The following FRMPD2 variants were observed in gnomAD, a reference collection of about 807,000 sequenced individuals.
FRMPD2 encodes FERM and PDZ domain containing 2, also known as FERM and PDZ domain-containing protein 2.
FRMPD2 carries 96 observed loss-of-function variants against 140.1 expected under a neutral mutation model. The observed-to-expected ratio is 0.69, with a 90% CI of 0.58 to 0.81. The LOEUF is 0.81. Ranked by LOEUF, FRMPD2 falls within the 40% of genes least tolerant of loss-of-function variation. The pLI is 0.00. For synonymous variants in FRMPD2, 449 were observed against 547.6 expected (o/e 0.82, Z 2.52); for missense variants, 1,240 against 1,447.4 (o/e 0.86, Z 2.32).
chr10:48,254,902 G>A (rs1484783959), intron 1 of FRMPD2, among the ~76,000 whole-genome samples: 1 of 152,210 alleles, frequency 6.6e-6, no homozygotes, highest in Non-Finnish European at 1.5e-5. Flanking sequence ...CTATGAAATA[G>A]TCATTAGCCT....
In FRMPD2 at chr10:48,184,719, A is replaced by G. The variant is rs564309950; in HGVS notation, c.2468-37T>C. ...AAACATCTCAATAATCCTTCAAGGAAATAAAAAAGAGTGGTTTCTTAAAAC... is the reference window on the plus strand; with the variant it reads ...AAACATCTCAATAATCCTTCAAGGAGATAAAAAAGAGTGGTTTCTTAAAAC... On this transcript the variant is annotated intron_variant, in intron 19 of 28. Transcript: ENST00000374201. 9.4e-5 allele frequency: 150 copies of G among 1,593,354 alleles called. 2 individuals are homozygous for G. The South Asian group carries it at 1.6e-3, about 17-fold the overall frequency.
At chr10:48,208,206 AG>A (rs1839244510) in intron 13 of FRMPD2, among the ~76,000 whole-genome samples, 1 of 152,252 alleles carries the variant, frequency 6.6e-6, no homozygotes, top group Non-Finnish European at 1.5e-5. Context: ...ACGCTTTTAA[AG>A]AATTTGGTGT....
intron 10 of FRMPD2, among the ~76,000 whole-genome samples, chr10:48,230,340 T>C (rs572539353): frequency 1.3e-5 from 2 of 152,318 alleles, no homozygotes; most frequent in South Asian, 2.1e-4. Context: ...ATACTTAAAA[T>C]TGGTTATATT....
intron 28 of FRMPD2, among the ~76,000 whole-genome samples, chr10:48,160,877 G>A (rs1450869489): frequency 2.7e-5 from 4 of 149,190 alleles, no homozygotes; most frequent in African/African-American, 1.0e-4. Flanking sequence ...CTTCCTGTAG[G>A]GGGCAGCCAC....
chr10:48,208,999 A>G (rs1358673797), intron 13 of FRMPD2, among the ~76,000 whole-genome samples: 1 of 152,252 alleles, frequency 6.6e-6, no homozygotes, highest in African/African-American at 2.4e-5. Context: ...ACCCTAAGAA[A>G]ATATGCTGAA....
chr10:48,201,464 G>A, intron 14 of FRMPD2, 80 bp from the exon 15 acceptor site: 1 of 1,383,336 alleles, frequency 7.2e-7, no homozygotes, highest in Non-Finnish European at 1.0e-6. Flanking sequence ...AAAATGCTCG[G>A]TCCCTTGGTT....
intron 10 of FRMPD2, among the ~76,000 whole-genome samples, chr10:48,229,486 T>C (rs1304634722): frequency 6.6e-6 from 1 of 152,116 alleles, no homozygotes. Flanking sequence ...CAACAAAGGA[T>C]ATGTCCCTCA....
intron 16 of FRMPD2, among the ~76,000 whole-genome samples, chr10:48,188,393 C>T (rs1183442376): frequency 6.6e-6 from 1 of 152,216 alleles, no homozygotes; most frequent in Non-Finnish European, 1.5e-5. Flanking sequence ...CACAGAGTAG[C>T]TTTGGAGACT....
intron 16 of FRMPD2, 118 bp from the exon 17 acceptor site, chr10:48,187,410 G>C: frequency 2.6e-6 from 2 of 756,404 alleles, no homozygotes; most frequent in South Asian, 3.4e-5. Flanking sequence ...TGATGGCCCG[G>C]GGAGGGCAGC....
intron 10 of FRMPD2, among the ~76,000 whole-genome samples, 160 bp from the exon 11 acceptor site, chr10:48,223,430 T>C (rs1228405975): frequency 6.6e-6 from 1 of 152,074 alleles, no homozygotes; most frequent in African/African-American, 2.4e-5. Flanking sequence ...GGAACCTTTG[T>C]TGGGGTCATG....
chr10:48,185,489 GT>G (rs1838659635), intron 18 of FRMPD2, 63 bp downstream of exon 18: 1 of 1,123,080 alleles, frequency 8.9e-7, no homozygotes, highest in African/African-American at 1.5e-5. Flanking sequence ...AGGGAAAACA[GT>G]ACCCACCTCC....
intron 1 of FRMPD2, among the ~76,000 whole-genome samples, chr10:48,268,203 A>T (rs767310759): frequency 6.6e-5 from 10 of 152,174 alleles, no homozygotes; most frequent in Non-Finnish European, 1.5e-4. Flanking sequence ...CACCTATATG[A>T]CAGGAAAAAA....
chr10:48,259,505 G>C (rs1015259302), intron 1 of FRMPD2, among the ~76,000 whole-genome samples: 1 of 152,030 alleles, frequency 6.6e-6, no homozygotes, highest in Non-Finnish European at 1.5e-5. Context: ...AGTATTATGC[G>C]CTATTAATCT....
intron 13 of FRMPD2, among the ~76,000 whole-genome samples, chr10:48,210,040 A>G (rs1839284005): frequency 6.6e-6 from 1 of 152,200 alleles, no homozygotes; most frequent in Admixed American, 6.5e-5. Context: ...GCACAGAACA[A>G]AGAGAGAAGG....
intron 1 of FRMPD2, 194 bp from the exon 2 acceptor site, chr10:48,251,885 G>C (rs762873107): frequency 1.2e-5 from 7 of 566,072 alleles, no homozygotes; most frequent in Non-Finnish European, 1.9e-5. Context: ...GTTAATTGGA[G>C]GACTGACCAG....
chr10:48,183,155 C>A (rs1838592388), intron 20 of FRMPD2, among the ~76,000 whole-genome samples: 1 of 152,192 alleles, frequency 6.6e-6, no homozygotes, highest in South Asian at 2.1e-4. Context: ...AAGGCAAATG[C>A]AGTGCCTGCA....
intron 12 of FRMPD2, among the ~76,000 whole-genome samples, chr10:48,217,159 A>T (rs1839470172): frequency 6.6e-6 from 1 of 152,204 alleles, no homozygotes; most frequent in South Asian, 2.1e-4. Context: ...GTTCTGATGG[A>T]TTACTGTTAT....
At chr10:48,177,348 C>G (rs1261770013) in intron 22 of FRMPD2, 1 of 150,930 alleles carries the variant, frequency 6.6e-6, no homozygotes. Flanking sequence ...CCTGACCTTG[C>G]GATCCACCCG....
At chr10:48,272,358 T>C (rs1476332434) in intron 1 of FRMPD2, among the ~76,000 whole-genome samples, 1 of 152,182 alleles carries the variant, frequency 6.6e-6, no homozygotes, top group Non-Finnish European at 1.5e-5. Context: ...TGTAAGCTGG[T>C]CATTAAACAC....
Sources: allele counts gnomAD v4.1 joint callset (sites outside exome capture counted in the v4.1 genomes callset), GRCh38; gene constraint gnomAD v4.1.1; transcripts MANE v1.5; gene names NCBI Gene and HGNC (gene_info 2026-07-23, HGNC 2026-07-21).